The following FNIP2 variants were observed in gnomAD, a reference collection of about 807,000 sequenced individuals.
FNIP2 encodes the protein folliculin interacting protein 2, also known as folliculin-interacting protein 2.
A neutral mutation model predicts 108.7 loss-of-function variants in FNIP2; 32 were observed. The observed-to-expected ratio is 0.29, with a 90% CI of 0.22 to 0.40. FNIP2 has a LOEUF of 0.40. FNIP2 is among the 10% of genes least tolerant of loss of function. FNIP2 has a pLI of 1.00. For missense variants in FNIP2, 1,202 were observed against 1,381.6 expected, an observed-to-expected ratio of 0.87 and a Z score of 2.06; for synonymous variants, 480 against 496.7, an observed-to-expected ratio of 0.97 and a Z score of 0.45.
rs1729960705 is a variant in FNIP2, at chr4:158,907,689, T to C, written c.*3145T>C. On this transcript the variant is annotated 3_prime_UTR_variant, in exon 17 of 17. Coordinates refer to ENST00000264433, the MANE Select transcript of FNIP2 (RefSeq NM_020840.3). ...AAATTGAAAATGTCTTCAGCTTCTC[T>C]TGGTAAATGTGAACCATTTGTTTTT... 6.6e-6 allele frequency: 1 copy of C among 152,244 alleles called. No homozygotes were observed. The allele number at this position is 152,244 out of a possible 1,614,324, so 9.4% of individuals were successfully genotyped here. A position where few individuals can be genotyped will look rare whatever the true frequency, so the allele number is the denominator to read the frequency against.
At chr4:158,882,547 C>G (rs1054595543) in intron 14 of FNIP2, among the ~76,000 whole-genome samples, 1 of 152,152 alleles carries the variant, frequency 6.6e-6, no homozygotes, top group Non-Finnish European at 1.5e-5. Context: ...GCGGTTTTGT[C>G]GAATAGAAAA....
At chr4:158,878,640 T>C (rs1019496345) in intron 14 of FNIP2, among the ~76,000 whole-genome samples, 10 of 151,854 alleles carry the variant, frequency 6.6e-5, no homozygotes, top group South Asian at 4.1e-4. Context: ...GAAACATAGC[T>C]CCAGTAAGAT....
At chr4:158,840,731 A>T (rs1434057288) in intron 7 of FNIP2, among the ~76,000 whole-genome samples, 1 of 152,194 alleles carries the variant, frequency 6.6e-6, no homozygotes, top group East Asian at 1.9e-4. Context: ...GTACATGAGT[A>T]GAGTAAGGTT....
At chr4:158,887,747 A>AAC (rs1433084580) in intron 14 of FNIP2, among the ~76,000 whole-genome samples, 1 of 151,402 alleles carries the variant, frequency 6.6e-6, no homozygotes, top group Non-Finnish European at 1.5e-5. Context: ...AAAAAAAAAA[A>AAC]AAAAAAAAAA....
At chr4:158,809,796 T>A (rs1212159566) in intron 1 of FNIP2, among the ~76,000 whole-genome samples, 1 of 152,226 alleles carries the variant, frequency 6.6e-6, no homozygotes, top group African/African-American at 2.4e-5. Context: ...ATCTTGAAAT[T>A]TGAATTCAGA....
At chr4:158,890,267 A>G in intron 14 of FNIP2, 2 of 984,678 alleles carry the variant, frequency 2.0e-6, no homozygotes, top group Non-Finnish European at 2.4e-6. Context: ...ATCTTTTTAA[A>G]CCCTTATATT....
intron 7 of FNIP2, among the ~76,000 whole-genome samples, chr4:158,845,205 A>C (rs935800664): frequency 2.6e-5 from 4 of 152,248 alleles, no homozygotes; most frequent in Non-Finnish European, 5.9e-5. Flanking sequence ...TTTGAAACTG[A>C]AACTGAGCCT....
chr4:158,904,327 T>C, intron 16 of FNIP2, 139 bp from the exon 17 acceptor site: 1 of 696,200 alleles, frequency 1.4e-6, no homozygotes, highest in Non-Finnish European at 2.4e-6. Flanking sequence ...TTCCATCTGT[T>C]TTGCTTTTTC....
chr4:158,904,864 T>C lies in FNIP2; in HGVS notation c.*320T>C. 3.7e-6 allele frequency: 1 copy of C among 270,372 alleles called. No homozygotes were observed. The highest frequency in any genetic ancestry group is 5.9e-5 in the South Asian group (1 of 16,818). The allele number at this position is 270,372 out of a possible 1,614,324, so 16.7% of individuals were successfully genotyped here. A position where few individuals can be genotyped will look rare whatever the true frequency, so the allele number is the denominator to read the frequency against. On this transcript the variant is annotated 3_prime_UTR_variant, in exon 17 of 17. Transcript: ENST00000264433. ...GTTGCAACAGATTGCCTTGTGCTGT[T>C]TGGGCAGAATAAAGACAAGTGACTT... is the stretch of plus-strand genomic sequence containing the variant.
chr4:158,818,511 C>G (rs1035572538), intron 1 of FNIP2, among the ~76,000 whole-genome samples: 1 of 152,200 alleles, frequency 6.6e-6, no homozygotes, highest in African/African-American at 2.4e-5. Flanking sequence ...TGATGTGAGG[C>G]TGTTTATAGT....
intron 7 of FNIP2, among the ~76,000 whole-genome samples, 163 bp from the exon 8 acceptor site, chr4:158,851,158 G>T (rs944078500): frequency 6.6e-6 from 1 of 152,072 alleles, no homozygotes. Flanking sequence ...AGGTAATTGC[G>T]GGTTTTGTCA....
chr4:158,806,404 C>G (rs1279061016), intron 1 of FNIP2: 1 of 1,289,208 alleles, frequency 7.8e-7, no homozygotes, highest in East Asian at 5.5e-5. Context: ...GAGCACTGAC[C>G]ACACGGAACT....
chr4:158,886,601 T>C (rs1388475954), intron 14 of FNIP2, among the ~76,000 whole-genome samples: 1 of 152,218 alleles, frequency 6.6e-6, no homozygotes, highest in Non-Finnish European at 1.5e-5. Context: ...TACAAACATA[T>C]CGCAGATCCA....
At chr4:158,823,652 C>T (rs900226854) in intron 1 of FNIP2, among the ~76,000 whole-genome samples, 1 of 152,194 alleles carries the variant, frequency 6.6e-6, no homozygotes, top group Non-Finnish European at 1.5e-5. Context: ...TGGGTACTGC[C>T]AGGAATCTGT....
At position 158,895,792 on chromosome 4, in the gene FNIP2, A is replaced by G. The variant is rs1782615681; in HGVS notation, c.3193A>G (p.Lys1065Glu). The G allele has an allele frequency of 3.7e-6, 6 of 1,613,112 alleles. No homozygotes were observed. The highest frequency in any genetic ancestry group is 4.2e-6 in the Non-Finnish European group (5 of 1,179,556). The change falls in exon 16 of 17, where the codon AAA (lysine) becomes GAA (glutamate). Residue 1065 changes from lysine to glutamate, a missense_variant. Lys to Glu is a moderately conservative substitution (Grantham distance 56). This residue lies in a region of FNIP2 where 142 missense variants were observed against 183.8 expected (regional missense o/e 0.77). Transcript: ENST00000264433. ...LEDRLQEMYL[K>E]SKMLSEYLRG... ...AGATAGACTACAGGAGATGTACCTT[A>G]AAAGTAAAATGCTATCTGAATATCT...
rs1491308594 is a variant in FNIP2, at chr4:158,896,850, TTA to T, written c.3266+987_3266+988del. ...CAATCCTGCCTTATTAGTTTTTTTT[TTA>T]TTATTATTATACTTTTAAGTTCTGG... On this transcript the variant is annotated intron_variant, in intron 16 of 16. Coordinates refer to ENST00000264433, the MANE Select transcript of FNIP2 (RefSeq NM_020840.3). Among the ~76,000 whole-genome samples the T allele has an allele frequency of 1.3e-3, 189 of 150,220 alleles. 1 individual carries two copies. In the Middle Eastern group the frequency reaches 0.027, roughly 22 times the overall value.
rs1729673400 is a variant in FNIP2 at position 158,904,665 on chromosome 4, A to G, written c.*121A>G. On this transcript the variant is annotated 3_prime_UTR_variant, in exon 17 of 17. Transcript: ENST00000264433. ...AAGAGCAAACAGAAACAGTCATTCC[A>G]CCTTTTTGTTTTGTGTTTTTGCTGT... The G allele has an allele frequency of 1.2e-6, 1 of 869,010 alleles. No individual in the cohort carries two copies. Among genetic ancestry groups the G allele is most frequent in the Admixed American group, 2.4e-5 (1 of 41,992 alleles). 53.8% of individuals were successfully genotyped at this position (869,010 alleles called of 1,614,324 possible).
chr4:158,787,226 G>A (rs75597583), intron 1 of FNIP2, among the ~76,000 whole-genome samples: 7,042 of 152,216 alleles, frequency 0.046, 429 homozygotes, highest in African/African-American at 0.15. Flanking sequence ...AAATGTAGTG[G>A]GGATTTCAAA....
intron 14 of FNIP2, chr4:158,871,331 G>A (rs1020798225): frequency 3.2e-6 from 3 of 937,988 alleles, no homozygotes; most frequent in Non-Finnish European, 3.8e-6. Context: ...TTTGTATCTT[G>A]TGCAATAGGG....
Sources: gnomAD v4.1 joint callset for allele counts (sites outside exome capture counted in the v4.1 genomes callset) on GRCh38, gnomAD v4.1.1 for gene constraint, gnomAD v4.1.1 regional missense constraint, MANE v1.5 for transcripts, NCBI Gene and HGNC (gene_info 2026-07-23, HGNC 2026-07-21) for gene names.